MTOR: variants seen among roughly 807,000 people sequenced by gnomAD.
The protein encoded by MTOR is mechanistic target of rapamycin kinase, also known as serine/threonine-protein kinase mTOR.
A neutral mutation model predicts 319.8 loss-of-function variants in MTOR; 70 were observed. The observed-to-expected ratio is 0.22, with a 90% CI of 0.18 to 0.27. The LOEUF (loss-of-function observed/expected upper bound fraction) is 0.27. Among genes scored for constraint, MTOR ranks in the 10% least tolerant of loss-of-function variants. The probability of loss-of-function intolerance (pLI) is 1.00; values close to 1 mark genes in which losing one functional copy is unlikely to be tolerated. For synonymous variants in MTOR, 1,183 were observed against 1,211.4 expected (o/e 0.98, Z 0.49); for missense variants, 1,890 against 3,274.4 (o/e 0.58, Z 10.32).
rs761004954 is a variant in MTOR at position 11,121,361 on chromosome 1, G to A, written c.6818C>T (p.Pro2273Leu). Residue 2273 changes from proline to leucine, a missense_variant, in exon 49 of 58, where the codon CCG (proline) becomes CTG (leucine). Physicochemically the swap from Pro to Leu is moderately conservative, Grantham distance 98 (BLOSUM62 -3). Around this residue, in one of 15 missense-constraint regions of MTOR, gnomAD observed 249 missense variants for 596.2 expected, o/e 0.42. Coordinates refer to ENST00000361445, the MANE Select transcript of MTOR (RefSeq NM_004958.4). The surrounding 1 kb of genome is among the most constrained non-coding windows in gnomAD (Gnocchi z 4.9). ...CATCAGAGTCAAGTGGTCATAGTCC[G>A]GAGCCATCTGCATCAGGACACAACT... ...IEHRIMLRMA[P>L]DYDHLTLMQK... 12 of 1,613,940 alleles carry A rather than the reference G, an allele frequency of 7.4e-6. No homozygotes were observed. Among genetic ancestry groups the A allele is most frequent in the South Asian group, 2.2e-5 (2 of 91,084 alleles).
Position 11,240,524 on chromosome 1 carries a change from T to C in MTOR, c.1565A>G (p.Tyr522Cys). The C allele has an allele frequency of 6.2e-7, 1 of 1,614,076 alleles. No individual in the cohort carries two copies. Among genetic ancestry groups the C allele is most frequent in the Non-Finnish European group, 8.5e-7 (1 of 1,180,002 alleles). The change falls in exon 11 of 58, where the codon TAC becomes TGC. Residue 522 changes from tyrosine (Y) to cysteine (C), a missense_variant. By Grantham distance (194) the Tyr-to-Cys change is radical. Coordinates refer to ENST00000361445, the MANE Select transcript of MTOR (RefSeq NM_004958.4). ...GLSPALTAVL[Y>C]DLSRQIPQLK... Reference sequence around the variant, plus strand: ...CTGTGGAATCTGACGGCTCAGGTCGTAGAGCACTGCAGTGAGGGCAGGGCT... The same window carrying C: ...CTGTGGAATCTGACGGCTCAGGTCGCAGAGCACTGCAGTGAGGGCAGGGCT...
chr1:11,234,356 G>A, intron 13 of MTOR, 91 bp from the exon 14 acceptor site: 2 of 1,459,074 alleles, frequency 1.4e-6, no homozygotes, highest in African/African-American at 1.4e-5. Flanking sequence ...GGGAACTGGG[G>A]GAAAAACCCA....
intron 30 of MTOR, among the ~76,000 whole-genome samples, chr1:11,152,629 C>T (rs930388648): frequency 3.3e-5 from 5 of 152,050 alleles, no homozygotes; most frequent in African/African-American, 4.8e-5. Context: ...GCAGGGGGTG[C>T]GGGTTGCCTA....
chr1:11,152,941 T>C (rs555022509), intron 30 of MTOR, among the ~76,000 whole-genome samples: 2 of 152,350 alleles, frequency 1.3e-5, no homozygotes, highest in South Asian at 4.1e-4. Flanking sequence ...ACTTACGCTT[T>C]ATGGGTAACT....
rs1453073306 is a variant in MTOR, at chr1:11,127,407, C to T, written c.6216+217G>A. 6.6e-6 allele frequency among the ~76,000 whole-genome samples: 1 copy of T among 152,154 alleles called. No individual in the cohort carries two copies. The highest frequency in any genetic ancestry group is 1.5e-5 in the Non-Finnish European group (1 of 68,014). ...ATCTTGGGCTTTTCCAGTTAAAATT[C>T]AGAAGGGTCCCTGTAACTAATTTCT... On this transcript the variant is annotated intron_variant, in intron 44 of 57. Coordinates refer to ENST00000361445, the MANE Select transcript of MTOR (RefSeq NM_004958.4). This position sits in a 1 kb window ranked among gnomAD's most constrained non-coding sequence, Gnocchi z 5.5.
chr1:11,253,686 T>C lies in MTOR; in HGVS notation c.840+153A>G, dbSNP rs1004959831. On this transcript the variant is annotated intron_variant, in intron 6 of 57. Transcript: ENST00000361445. ...TTCTATTCTGGTTTGACTTTCTTCA[T>C]AGAACTTGCTGCTATCTGAAATTAT... Among the ~76,000 whole-genome samples, 6 of 152,146 alleles carry C rather than the reference T, an allele frequency of 3.9e-5. No individual in the cohort carries two copies. In the South Asian group the frequency reaches 1.0e-3, roughly 26 times the overall value.
chr1:11,192,480 G>T, intron 28 of MTOR: 1 of 909,376 alleles, frequency 1.1e-6, no homozygotes, highest in South Asian at 1.5e-5. Context: ...ATTCGGCTGG[G>T]CGCAGTGGCT....
In MTOR at chr1:11,107,197, A is replaced by T; in HGVS notation, c.*288T>A. 7.2e-7 allele frequency: 1 copy of T among 1,395,658 alleles called. No individual in the cohort carries two copies. The allele number at this position is 1,395,658 out of a possible 1,614,324, so 86.5% of individuals were successfully genotyped here. A position where few individuals can be genotyped will look rare whatever the true frequency, so the allele number is the denominator to read the frequency against. ...AGTTAAGTCAAAACCCGTATTTCTA[A>T]AGTTATGGATCTTCTGTTCCCCAAA... is the stretch of plus-strand genomic sequence containing the variant. On this transcript the variant is annotated 3_prime_UTR_variant, in exon 58 of 58. Coordinates refer to ENST00000361445, the MANE Select transcript of MTOR (RefSeq NM_004958.4).
At position 11,131,100 on chromosome 1, in the gene MTOR, T is replaced by C. The variant is rs191079005; in HGVS notation, c.5365-323A>G. Reference sequence around the variant, plus strand: ...CACAAACCTGAAGACCTAGGTACTCTGCAAGGCACAATGGGAGTAGCAAGG... The same window carrying C: ...CACAAACCTGAAGACCTAGGTACTCCGCAAGGCACAATGGGAGTAGCAAGG... On this transcript the variant is annotated intron_variant, in intron 38 of 57. Coordinates refer to ENST00000361445, the MANE Select transcript of MTOR (RefSeq NM_004958.4). 4.6e-4 allele frequency: 173 copies of C among 376,416 alleles called. 1 individual carries two copies. The highest frequency in any genetic ancestry group is 2.4e-3 in the Admixed American group (56 of 23,322). The allele number at this position is 376,416 out of a possible 1,614,324, so 23.3% of individuals were successfully genotyped here. A position where few individuals can be genotyped will look rare whatever the true frequency, so the allele number is the denominator to read the frequency against.
At chr1:11,207,092 G>A (rs1040177566) in intron 25 of MTOR, among the ~76,000 whole-genome samples, 9 of 152,022 alleles carry the variant, frequency 5.9e-5, no homozygotes, top group African/African-American at 2.2e-4. Context: ...GAGGTCTGCT[G>A]CCTTTTTTTG....
intron 28 of MTOR, among the ~76,000 whole-genome samples, chr1:11,182,239 A>G (rs1645184320): frequency 6.6e-6 from 1 of 152,042 alleles, no homozygotes; most frequent in South Asian, 2.1e-4. Flanking sequence ...AAAAAGTACA[A>G]ACTGAAATAA....
chr1:11,245,567 G>T (rs1289320020), intron 8 of MTOR, among the ~76,000 whole-genome samples: 1 of 152,128 alleles, frequency 6.6e-6, no homozygotes, highest in African/African-American at 2.4e-5. Context: ...AAAAACTAAG[G>T]GGATAGCATT....
rs1456234600 is a variant in MTOR at position 11,133,336 on chromosome 1, A to C, written c.5247-139T>G. 4 of 718,686 alleles carry C rather than the reference A, an allele frequency of 5.6e-6. No homozygotes were observed. Among genetic ancestry groups the C allele is most frequent in the Non-Finnish European group, 9.5e-6 (4 of 422,014 alleles). 44.5% of individuals were successfully genotyped at this position (718,686 alleles called of 1,614,324 possible). A position where few individuals can be genotyped will look rare whatever the true frequency, so the allele number is the denominator to read the frequency against. ...AAGAGGCAATGTGAAGGAGCTAGCA[A>C]AATTTTCAGCCACACGCAAGAAAGG... On this transcript the variant is annotated intron_variant, in intron 37 of 57. Transcript: ENST00000361445. This position sits in a 1 kb window ranked among gnomAD's most constrained non-coding sequence, Gnocchi z 4.0.
intron 26 of MTOR, 73 bp downstream of exon 26, chr1:11,204,488 T>C: frequency 6.7e-7 from 1 of 1,490,712 alleles, no homozygotes; most frequent in East Asian, 2.3e-5. Flanking sequence ...TGATTATTAC[T>C]TCTAATAAAA....
In MTOR at chr1:11,128,433, C is replaced by G; in HGVS notation, c.5910+21G>C. On this transcript the variant is annotated intron_variant, in intron 42 of 57. Transcript: ENST00000361445. The surrounding 1 kb of genome is among the most constrained non-coding windows in gnomAD (Gnocchi z 5.3). Reference sequence around the variant, plus strand: ...ACCAAACCAGTGGTTAGATGAGAAACTGCCCAGAGTCTCCACATACCTGGG... The same window carrying G: ...ACCAAACCAGTGGTTAGATGAGAAAGTGCCCAGAGTCTCCACATACCTGGG... 1 of 1,609,830 alleles carries G rather than the reference C, an allele frequency of 6.2e-7. No individual in the cohort carries two copies. Among genetic ancestry groups the G allele is most frequent in the Non-Finnish European group, 8.5e-7 (1 of 1,176,352 alleles).
chr1:11,120,069 T>G (rs1038137931), intron 49 of MTOR, among the ~76,000 whole-genome samples: 2 of 147,298 alleles, frequency 1.4e-5, no homozygotes, highest in Non-Finnish European at 3.0e-5. Flanking sequence ...AAAAAAAAAT[T>G]TATATATATA....
intron 5 of MTOR, 43 bp from the exon 6 acceptor site, chr1:11,254,016 A>G (rs770596725): frequency 6.2e-7 from 1 of 1,608,474 alleles, no homozygotes; most frequent in Non-Finnish European, 8.5e-7. Context: ...ACAGAGTACA[A>G]ACCCAGAAAG....
intron 11 of MTOR, among the ~76,000 whole-genome samples, 188 bp downstream of exon 11, chr1:11,240,115 T>C (rs546099623): frequency 1.3e-5 from 2 of 152,294 alleles, no homozygotes; most frequent in African/African-American, 2.4e-5. Flanking sequence ...AAACTCAGTA[T>C]GGGACAAAGA....
At position 11,225,470 on chromosome 1, in the gene MTOR, G is replaced by A. The variant is rs546536952; in HGVS notation, c.3030+3198C>T. ...AGAATCTTGCTCTGCCATCCAGGCT[G>A]GAGTGCAATGGCACAATCTCAGCTC... On this transcript the variant is annotated intron_variant, in intron 19 of 57. Coordinates refer to ENST00000361445, the MANE Select transcript of MTOR (RefSeq NM_004958.4). Among the ~76,000 whole-genome samples the A allele has an allele frequency of 6.8e-5, 10 of 147,492 alleles. 1 individual carries two copies. Among genetic ancestry groups the A allele is most frequent in the Middle Eastern group, 7.1e-3 (2 of 280 alleles).
Sources: gnomAD v4.1 joint callset for allele counts (sites outside exome capture counted in the v4.1 genomes callset) on GRCh38, gnomAD v4.1.1 for gene constraint, gnomAD v4.1.1 regional missense constraint, Gnocchi (gnomAD v3.1) non-coding constraint, MANE v1.5 for transcripts, NCBI Gene and HGNC (gene_info 2026-07-23, HGNC 2026-07-21) for gene names.